FKBP3: variants seen among roughly 807,000 people sequenced by gnomAD.
FKBP3 encodes the protein FKBP prolyl isomerase 3.
Under a neutral mutation model 30.6 loss-of-function variants are expected in FKBP3, and 21 were observed. The observed-to-expected ratio is 0.69, with a 90% CI of 0.49 to 0.99. The LOEUF is 0.99. Ranked by LOEUF, FKBP3 falls within the 50% of genes least tolerant of loss-of-function variation. The probability of loss-of-function intolerance (pLI) is 0.00; values close to 1 mark genes in which losing one functional copy is unlikely to be tolerated. For synonymous variants in FKBP3, 82 were observed against 91.3 expected, an observed-to-expected ratio of 0.90 and a Z score of 0.58; for missense variants, 283 against 261.6, an observed-to-expected ratio of 1.08 and a Z score of -0.56.
chr14:45,124,951 C>G (rs533922883), intron 3 of FKBP3, among the ~76,000 whole-genome samples: 5 of 152,332 alleles, frequency 3.3e-5, no homozygotes, highest in African/African-American at 1.2e-4. Flanking sequence ...GAGTCTCACT[C>G]TGTTGCCCAG....
At position 45,134,457 on chromosome 14, in the gene FKBP3, C is replaced by A. The variant is rs1278261430; in HGVS notation, c.-1G>T. On this transcript the variant is annotated 5_prime_UTR_variant, in exon 1 of 7. Transcript: ENST00000396062. ...CCCGCTGTGGAACGGCCGCCGCCAT[C>A]TTCCCCCGCTGCCTCCGCTTTACTG... 26 of 1,609,616 alleles carry A rather than the reference C, an allele frequency of 1.6e-5. No homozygotes were observed. Among genetic ancestry groups the A allele is most frequent in the Non-Finnish European group, 2.2e-5 (26 of 1,177,756 alleles).
intron 5 of FKBP3, 121 bp from the exon 6 acceptor site, chr14:45,118,246 T>C: frequency 1.7e-6 from 1 of 600,698 alleles, no homozygotes; most frequent in Non-Finnish European, 2.9e-6. Flanking sequence ...TAGATTTCAC[T>C]ATATTCTAAG....
rs760630541 is a variant in FKBP3 at position 45,116,210 on chromosome 14, C to T, written c.663G>A (p.Val221=). 4.3e-6 allele frequency: 7 copies of T among 1,610,680 alleles called. No homozygotes were observed. Among genetic ancestry groups the T allele is most frequent in the African/African-American group, 2.7e-5 (2 of 74,808 alleles). ...NAKLTFEVEL[V]DID Reference sequence around the variant, plus strand: ...AAGCACTGCTATTTCAATCAATATCCACTAATTCCACTTCAAAAGTGAGTT... The same window carrying T: ...AAGCACTGCTATTTCAATCAATATCTACTAATTCCACTTCAAAAGTGAGTT... Residue 221 remains valine (V), a synonymous_variant, in exon 7 of 7, where the codon GTG becomes GTA. Coordinates refer to ENST00000396062, the MANE Select transcript of FKBP3 (RefSeq NM_002013.4).
Position 45,120,795 on chromosome 14 carries a change from G to C in FKBP3, c.522+92C>G, listed in dbSNP as rs561344841. ...TCAGACTCCAAAGTCTGTTTCCTTT[G>C]TATTATATCCCCAAACCTAATTCTT... On this transcript the variant is annotated intron_variant, in intron 5 of 6. Transcript: ENST00000396062. 40 of 1,030,156 alleles carry C rather than the reference G, an allele frequency of 3.9e-5. No homozygotes were observed. The African/African-American group carries it at 5.5e-4, about 14-fold the overall frequency. 63.8% of individuals were successfully genotyped at this position (1,030,156 alleles called of 1,614,324 possible).
At chr14:45,119,277 T>C (rs762713942) in intron 5 of FKBP3, among the ~76,000 whole-genome samples, 5 of 152,082 alleles carry the variant, frequency 3.3e-5, no homozygotes, top group African/African-American at 4.8e-5. Flanking sequence ...AAAATAAGAA[T>C]ATGGTAGACT....
At chr14:45,117,221 C>T (rs2139074212) in intron 6 of FKBP3, among the ~76,000 whole-genome samples, 1 of 152,320 alleles carries the variant, frequency 6.6e-6, no homozygotes, top group Admixed American at 6.5e-5. Context: ...ATCTGCCCTC[C>T]TTGGCCTCCC....
chr14:45,131,789 A>G (rs558681928), intron 1 of FKBP3, among the ~76,000 whole-genome samples: 135 of 152,352 alleles, frequency 8.9e-4, no homozygotes, highest in African/African-American at 3.0e-3. Flanking sequence ...CATTTAATGC[A>G]TTTAGCATAG....
chr14:45,126,811 C>G (rs1885108355), intron 3 of FKBP3, among the ~76,000 whole-genome samples: 1 of 151,996 alleles, frequency 6.6e-6, no homozygotes, highest in African/African-American at 2.4e-5. Context: ...CAGCATGACC[C>G]TGTCTCTTTT....
intron 3 of FKBP3, among the ~76,000 whole-genome samples, chr14:45,124,342 C>G (rs1885050990): frequency 6.6e-6 from 1 of 152,090 alleles, no homozygotes; most frequent in South Asian, 2.1e-4. Flanking sequence ...ACCAACCTGG[C>G]CAACATGGTG....
chr14:45,122,089 G>A (rs942815782), intron 3 of FKBP3, among the ~76,000 whole-genome samples: 1 of 152,012 alleles, frequency 6.6e-6, no homozygotes, highest in Non-Finnish European at 1.5e-5. Context: ...CTCTGTCCCC[G>A]ATTTGGAAAA....
At chr14:45,129,211 A>G (rs143428514) in intron 3 of FKBP3, among the ~76,000 whole-genome samples, 25 of 152,364 alleles carry the variant, frequency 1.6e-4, no homozygotes, top group African/African-American at 5.8e-4. Context: ...ATAGTAAGGT[A>G]TTATCAGAAA....
chr14:45,123,883 G>T (rs1336603505), intron 3 of FKBP3, among the ~76,000 whole-genome samples: 1 of 151,882 alleles, frequency 6.6e-6, no homozygotes, highest in Middle Eastern at 3.2e-3. Context: ...CTCCCAAAGT[G>T]CTGGGATTAC....
chr14:45,116,239 C>G lies in FKBP3; in HGVS notation c.634G>C (p.Ala212Pro). Residue 212 changes from alanine to proline, a missense_variant, in exon 7 of 7, where the codon GCA becomes CCA. Ala to Pro is a conservative substitution (Grantham distance 27). Transcript: ENST00000396062. ...AATTCCACTTCAAAAGTGAGTTTTGCATTTGGTGGAATTCTGTTGAAGAAG... is the reference window on the plus strand; with the variant it reads ...AATTCCACTTCAAAAGTGAGTTTTGGATTTGGTGGAATTCTGTTGAAGAAG... ...GQPDAKIPPN[A>P]KLTFEVELVD... The G allele has an allele frequency of 1.2e-6, 2 of 1,612,748 alleles. No individual in the cohort carries two copies.
intron 3 of FKBP3, among the ~76,000 whole-genome samples, chr14:45,129,166 C>G (rs1435395508): frequency 6.6e-6 from 1 of 152,190 alleles, no homozygotes; most frequent in African/African-American, 2.4e-5. Flanking sequence ...ATTATTATCA[C>G]TGATACTAAG....
intron 1 of FKBP3, among the ~76,000 whole-genome samples, chr14:45,131,605 G>C (rs1367871671): frequency 7.1e-6 from 1 of 140,286 alleles, no homozygotes; most frequent in Non-Finnish European, 1.5e-5. Context: ...TTCCAGCCTA[G>C]GTGACAGAGC....
intron 3 of FKBP3, among the ~76,000 whole-genome samples, chr14:45,124,913 T>C (rs940635161): frequency 6.6e-6 from 1 of 152,168 alleles, no homozygotes; most frequent in Non-Finnish European, 1.5e-5. Context: ...CGGATCTGTG[T>C]TTATTTTATT....
chr14:45,127,684 G>A (rs977732330), intron 3 of FKBP3, among the ~76,000 whole-genome samples: 9 of 152,090 alleles, frequency 5.9e-5, no homozygotes, highest in Non-Finnish European at 1.5e-5. Context: ...ACTGAACGGG[G>A]CAATTCTAGA....
intron 5 of FKBP3, 49 bp from the exon 6 acceptor site, chr14:45,118,174 A>T: frequency 9.2e-7 from 1 of 1,090,048 alleles, no homozygotes; most frequent in East Asian, 2.4e-5. Flanking sequence ...CAAAAAGCAC[A>T]TGCAATACCA....
At chr14:45,133,295 G>T in intron 1 of FKBP3, 2 of 271,800 alleles carry the variant, frequency 7.4e-6, no homozygotes, top group Non-Finnish European at 1.6e-5. Context: ...GTGAAATCCC[G>T]TCTCTATTAA....
Sources: allele counts gnomAD v4.1 joint callset (sites outside exome capture counted in the v4.1 genomes callset), GRCh38; gene constraint gnomAD v4.1.1; transcripts MANE v1.5; gene names NCBI Gene and HGNC (gene_info 2026-07-23, HGNC 2026-07-21).